The following ARHGEF7 variants were observed in gnomAD, a reference collection of about 807,000 sequenced individuals.
ARHGEF7 encodes the protein Rho guanine nucleotide exchange factor 7, also known as PAK-interacting exchange factor beta.
A neutral mutation model predicts 109.8 loss-of-function variants in ARHGEF7; 33 were observed. The ratio of observed to expected loss-of-function variants is 0.30; its 90% CI spans 0.23 to 0.40. The LOEUF is 0.40. Among genes scored for constraint, ARHGEF7 ranks in the 10% least tolerant of loss-of-function variants. ARHGEF7 has a pLI of 1.00. For missense variants in ARHGEF7, 938 were observed against 1,098.5 expected (o/e 0.85, Z 2.07); for synonymous variants, 458 against 424.6 (o/e 1.08, Z -0.97).
At chr13:111,169,554 C>T (rs1235694454) in intron 2 of ARHGEF7, among the ~76,000 whole-genome samples, 1 of 152,142 alleles carries the variant, frequency 6.6e-6, no homozygotes, top group Non-Finnish European at 1.5e-5. Flanking sequence ...CCAGTCACCT[C>T]CCACCAGGCC....
intron 15 of ARHGEF7, among the ~76,000 whole-genome samples, chr13:111,281,384 C>T (rs1439908193): frequency 2.0e-5 from 3 of 151,994 alleles, no homozygotes; most frequent in African/African-American, 7.2e-5. Context: ...GCGTTTTCTG[C>T]TTACAGATTT....
At chr13:111,299,634 A>G (rs1391120298) in intron 19 of ARHGEF7, among the ~76,000 whole-genome samples, 3 of 152,158 alleles carry the variant, frequency 2.0e-5, no homozygotes, top group Non-Finnish European at 4.4e-5. Flanking sequence ...GAGCCACGGC[A>G]CCCGGCTGAA....
At chr13:111,118,045 G>T (rs2066917665) in intron 1 of ARHGEF7, among the ~76,000 whole-genome samples, 1 of 152,366 alleles carries the variant, frequency 6.6e-6, no homozygotes, top group South Asian at 2.1e-4. Context: ...CTTGACCTCT[G>T]CTGCAGGAGT....
chr13:111,223,155 A>G (rs1325896539), intron 5 of ARHGEF7, among the ~76,000 whole-genome samples: 2 of 152,056 alleles, frequency 1.3e-5, no homozygotes, highest in Non-Finnish European at 2.9e-5. Flanking sequence ...TCTTGTGGGT[A>G]CCCCCGTGGA....
intron 4 of ARHGEF7, among the ~76,000 whole-genome samples, 192 bp from the exon 5 acceptor site, chr13:111,217,487 G>C (rs187987989): frequency 7.1e-4 from 108 of 152,324 alleles, no homozygotes; most frequent in African/African-American, 2.4e-3. Context: ...CTGTGAAGAG[G>C]GTGTCCTCTG....
chr13:111,289,093 G>A (rs368234878), intron 18 of ARHGEF7, among the ~76,000 whole-genome samples: 8 of 151,932 alleles, frequency 5.3e-5, no homozygotes, highest in African/African-American at 1.2e-4. Flanking sequence ...GTGCAGTAGC[G>A]TGATCTTGGC....
At chr13:111,154,090 G>T in intron 2 of ARHGEF7, 99 bp downstream of exon 2, 4 of 1,215,054 alleles carry the variant, frequency 3.3e-6, no homozygotes, top group Non-Finnish European at 3.3e-6. Flanking sequence ...CCTCCTCCGC[G>T]CCCGGATCCG....
intron 17 of ARHGEF7, 148 bp from the exon 18 acceptor site, chr13:111,288,206 G>A (rs1363551022): frequency 6.6e-6 from 3 of 453,942 alleles, no homozygotes; most frequent in East Asian, 3.1e-5. Context: ...CATGAATTTT[G>A]TAGAAAACAG....
At chr13:111,248,705 T>A (rs1457317987) in intron 8 of ARHGEF7, among the ~76,000 whole-genome samples, 1 of 152,202 alleles carries the variant, frequency 6.6e-6, no homozygotes. Context: ...TTAAAAAAAG[T>A]GTTTAGTTCT....
At chr13:111,240,932 G>A (rs969446578) in intron 6 of ARHGEF7, among the ~76,000 whole-genome samples, 1 of 152,120 alleles carries the variant, frequency 6.6e-6, no homozygotes, top group Non-Finnish European at 1.5e-5. Flanking sequence ...AACACCTACC[G>A]AGATTGGCAG....
chr13:111,196,339 G>A (rs1434352197), intron 2 of ARHGEF7, among the ~76,000 whole-genome samples: 1 of 152,154 alleles, frequency 6.6e-6, no homozygotes, highest in East Asian at 1.9e-4. Context: ...CTGTCATTCT[G>A]TCATTTACTT....
intron 2 of ARHGEF7, among the ~76,000 whole-genome samples, chr13:111,156,127 C>T (rs949712972): frequency 2.7e-5 from 4 of 150,568 alleles, no homozygotes; most frequent in East Asian, 1.9e-4. Context: ...AAAAACTTAC[C>T]GTTTTTAGTT....
At chr13:111,122,149 T>C (rs1439283062) in intron 1 of ARHGEF7, among the ~76,000 whole-genome samples, 4 of 152,240 alleles carry the variant, frequency 2.6e-5, no homozygotes, top group African/African-American at 9.6e-5. Context: ...GTGGGCCTGC[T>C]GAACGTGGCT....
intron 5 of ARHGEF7, among the ~76,000 whole-genome samples, chr13:111,232,384 C>T (rs111860278): frequency 0.02 from 3,108 of 152,094 alleles, 100 homozygotes; most frequent in African/African-American, 0.071. Context: ...GCACAGCCAG[C>T]GATGGACACA....
At chr13:111,275,706 G>C (rs140586090) in intron 12 of ARHGEF7, 28 bp downstream of exon 12, 3 of 1,613,734 alleles carry the variant, frequency 1.9e-6, no homozygotes, top group Admixed American at 3.3e-5. Flanking sequence ...CACGCACCAG[G>C]GTTTCTGTCC....
intron 5 of ARHGEF7, among the ~76,000 whole-genome samples, chr13:111,232,873 G>A (rs373386946): frequency 9.9e-5 from 15 of 152,132 alleles, no homozygotes; most frequent in South Asian, 8.3e-4. Flanking sequence ...TTTGGGTGAC[G>A]CTTTATATTT....
chr13:111,264,613 T>A (rs528590658), intron 8 of ARHGEF7, among the ~76,000 whole-genome samples: 83 of 152,260 alleles, frequency 5.5e-4, no homozygotes, highest in Non-Finnish European at 1.1e-3. Context: ...CCCCCGCCAG[T>A]ACTCTGGGTG....
At chr13:111,213,732 A>G (rs546972197) in intron 4 of ARHGEF7, among the ~76,000 whole-genome samples, 7 of 152,136 alleles carry the variant, frequency 4.6e-5, no homozygotes, top group Middle Eastern at 3.4e-3. Context: ...TAAAAAAGGG[A>G]AAAAAACCCC....
At chr13:111,262,782 G>T (rs1394238409) in intron 8 of ARHGEF7, among the ~76,000 whole-genome samples, 1 of 152,224 alleles carries the variant, frequency 6.6e-6, no homozygotes, top group Non-Finnish European at 1.5e-5. Flanking sequence ...TGCTGTTACT[G>T]TGAAGATGTA....
Sources: gnomAD v4.1 joint callset for allele counts (sites outside exome capture counted in the v4.1 genomes callset) on GRCh38, gnomAD v4.1.1 for gene constraint, MANE v1.5 for transcripts, NCBI Gene and HGNC (gene_info 2026-07-23, HGNC 2026-07-21) for gene names.